Variants in CYP2C8 observed in about 807,000 individuals in gnomAD.
CYP2C8 encodes the protein cytochrome P450 2C8.
A neutral mutation model predicts 41.3 loss-of-function variants in CYP2C8; 51 were observed. The ratio of observed to expected loss-of-function variants is 1.24; its 90% confidence interval spans 0.99 to 1.56. The LOEUF (loss-of-function observed/expected upper bound fraction) is 1.56. CYP2C8 is among the 40% of genes most tolerant of loss of function. The probability of loss-of-function intolerance (pLI) is 0.00; values close to 1 mark genes in which losing one functional copy is unlikely to be tolerated. For synonymous variants in CYP2C8, 218 were observed against 205.8 expected (o/e 1.06, Z -0.51); for missense variants, 651 against 579.9 (o/e 1.12, Z -1.26).
intron 4 of CYP2C8, 100 bp downstream of exon 4, chr10:95,064,700 G>T (rs569414111): frequency 2.5e-5 from 29 of 1,173,212 alleles, no homozygotes; most frequent in Non-Finnish European, 3.5e-5. Context: ...CATTTTTATT[G>T]TATAAAAGCA....
At chr10:95,060,468 G>T (rs1035317429) in intron 4 of CYP2C8, among the ~76,000 whole-genome samples, 1 of 152,178 alleles carries the variant, frequency 6.6e-6, no homozygotes, top group Non-Finnish European at 1.5e-5. Context: ...GTAGAGGAAT[G>T]TTTGTGATTT....
At chr10:95,051,767 CAAAT>C (rs2033218377) in intron 5 of CYP2C8, among the ~76,000 whole-genome samples, 1 of 151,908 alleles carries the variant, frequency 6.6e-6, no homozygotes, top group South Asian at 2.1e-4. Flanking sequence ...TTTCTTGAAA[CAAAT>C]GATGAGAAAA....
intron 5 of CYP2C8, among the ~76,000 whole-genome samples, chr10:95,050,696 C>T (rs1254863771): frequency 6.6e-6 from 1 of 152,176 alleles, no homozygotes; most frequent in Non-Finnish European, 1.5e-5. Context: ...CTTCAAGAAC[C>T]ACTGCATTAT....
intron 4 of CYP2C8, among the ~76,000 whole-genome samples, chr10:95,064,555 A>T (rs1170732175): frequency 6.6e-6 from 1 of 152,192 alleles, no homozygotes; most frequent in Non-Finnish European, 1.5e-5. Flanking sequence ...AGGAAAGGGA[A>T]TTCCCTGACC....
At chr10:95,037,347 G>C in intron 8 of CYP2C8, 38 bp from the exon 9 acceptor site, 1 of 1,570,070 alleles carries the variant, frequency 6.4e-7, no homozygotes, top group Non-Finnish European at 8.7e-7. Context: ...TACTCCTTGT[G>C]TTTAACTGTG....
At chr10:95,041,811 A>G (rs913632500) in intron 7 of CYP2C8, among the ~76,000 whole-genome samples, 12 of 139,484 alleles carry the variant, frequency 8.6e-5, no homozygotes, top group Non-Finnish European at 1.7e-4. Context: ...AAAAAAAAAA[A>G]AAAATCTGTG....
intron 5 of CYP2C8, among the ~76,000 whole-genome samples, chr10:95,047,641 A>G (rs1589439292): frequency 6.6e-6 from 1 of 152,194 alleles, no homozygotes; most frequent in Non-Finnish European, 1.5e-5. Flanking sequence ...GCAATTATTA[A>G]TACAAAAACT....
chr10:95,052,050 A>G (rs1478173007), intron 5 of CYP2C8, among the ~76,000 whole-genome samples: 1 of 152,126 alleles, frequency 6.6e-6, no homozygotes, highest in Non-Finnish European at 1.5e-5. Flanking sequence ...CATTAAAGAA[A>G]GCTGACAAAC....
chr10:95,062,772 G>A (rs1353722146), intron 4 of CYP2C8, among the ~76,000 whole-genome samples: 2 of 152,164 alleles, frequency 1.3e-5, no homozygotes, highest in Non-Finnish European at 2.9e-5. Flanking sequence ...TGCAGTGGCT[G>A]GTACCGGTTG....
intron 7 of CYP2C8, among the ~76,000 whole-genome samples, chr10:95,039,761 G>C (rs2032958840): frequency 1.3e-5 from 2 of 152,164 alleles, no homozygotes; most frequent in Non-Finnish European, 2.9e-5. Flanking sequence ...ACAATGGTAA[G>C]ATCTGGAGGA....
rs143096432 is a variant in CYP2C8, at chr10:95,067,369, A to G, written c.332-12T>C. The stretch of plus-strand genomic sequence containing the variant: ...GCTGGAAATGATTCCTAATAAAAAA[A>G]GGGGCAGAAACTGGGAGAATTCACA... On this transcript the variant is annotated splice_polypyrimidine_tract_variant and intron_variant, in intron 2 of 8. Coordinates refer to ENST00000371270, the MANE Select transcript of CYP2C8 (RefSeq NM_000770.3). 1,176 of 1,613,912 alleles carry G rather than the reference A, an allele frequency of 7.3e-4. 8 individuals are homozygous for G. In the African/African-American group the frequency reaches 0.013, roughly 18 times the overall value.
intron 4 of CYP2C8, among the ~76,000 whole-genome samples, chr10:95,063,977 C>T (rs1279382231): frequency 2.0e-5 from 3 of 152,296 alleles, no homozygotes; most frequent in Admixed American, 1.3e-4. Context: ...GCTGCCCGAT[C>T]GTTCCTCTGG....
intron 4 of CYP2C8, among the ~76,000 whole-genome samples, chr10:95,063,042 C>T (rs1358375473): frequency 1.3e-5 from 2 of 152,164 alleles, no homozygotes; most frequent in Non-Finnish European, 2.9e-5. Flanking sequence ...TTGTGGGTAA[C>T]CCGCCCTTTC....
chr10:95,038,853 T>C (rs376459073), intron 8 of CYP2C8, 44 bp downstream of exon 8: 2 of 1,604,728 alleles, frequency 1.2e-6, no homozygotes, highest in African/African-American at 2.7e-5. Context: ...TTCCAAAAAG[T>C]TCTCTCTTTC....
intron 5 of CYP2C8, among the ~76,000 whole-genome samples, chr10:95,053,658 C>G (rs2134422794): frequency 6.6e-6 from 1 of 152,128 alleles, no homozygotes; most frequent in South Asian, 2.1e-4. Flanking sequence ...AGCAAACTAA[C>G]ACAGGAACAG....
At chr10:95,050,124 C>G (rs1208601827) in intron 5 of CYP2C8, among the ~76,000 whole-genome samples, 2 of 152,018 alleles carry the variant, frequency 1.3e-5, no homozygotes, top group Non-Finnish European at 2.9e-5. Context: ...GGCTCTTGTA[C>G]AGGGTCTGTA....
At chr10:95,062,202 T>C (rs934959086) in intron 4 of CYP2C8, among the ~76,000 whole-genome samples, 2 of 152,192 alleles carry the variant, frequency 1.3e-5, no homozygotes, top group African/African-American at 4.8e-5. Context: ...CCTTGTTAAC[T>C]TTCTGTCTCG....
At chr10:95,053,717 A>C (rs1385114070) in intron 5 of CYP2C8, among the ~76,000 whole-genome samples, 1 of 152,142 alleles carries the variant, frequency 6.6e-6, no homozygotes, top group Non-Finnish European at 1.5e-5. Context: ...TTGAACAATG[A>C]GAACACATGG....
chr10:95,050,221 T>A (rs1419159679), intron 5 of CYP2C8, among the ~76,000 whole-genome samples: 1 of 151,916 alleles, frequency 6.6e-6, no homozygotes, highest in Non-Finnish European at 1.5e-5. Flanking sequence ...AGGACTGCAT[T>A]TTGTGGTTTG....
Sources: gnomAD v4.1 joint callset for allele counts (sites outside exome capture counted in the v4.1 genomes callset) on GRCh38, gnomAD v4.1.1 for gene constraint, MANE v1.5 for transcripts, NCBI Gene and HGNC (gene_info 2026-07-23, HGNC 2026-07-21) for gene names.